Variants in PIEZO2 observed in about 807,000 individuals in gnomAD.
PIEZO2 encodes piezo type mechanosensitive ion channel component 2, also known as piezo-type mechanosensitive ion channel component 2.
Under a neutral mutation model 337.3 loss-of-function variants are expected in PIEZO2, and 172 were observed. The ratio of observed to expected loss-of-function variants is 0.51; its 90% CI spans 0.45 to 0.58. PIEZO2 has a LOEUF of 0.58. PIEZO2 is among the 20% of genes least tolerant of loss of function. The pLI is 0.00. For missense variants in PIEZO2, 3,028 were observed against 3,391.3 expected (o/e 0.89, Z 2.66); for synonymous variants, 1,251 against 1,228.5 (o/e 1.02, Z -0.38).
chr18:10,757,193 G>A (rs35203803), intron 27 of PIEZO2, among the ~76,000 whole-genome samples: 30,420 of 148,982 alleles, frequency 0.2, 3,702 homozygotes, highest in South Asian at 0.28. Flanking sequence ...AGGGATAGAG[G>A]ATGAGGAGGA....
intron 4 of PIEZO2, among the ~76,000 whole-genome samples, chr18:10,905,865 G>C (rs1397981607): frequency 2.0e-5 from 3 of 152,114 alleles, no homozygotes; most frequent in Non-Finnish European, 4.4e-5. Context: ...TATATATCAG[G>C]CATTGCCCAC....
intron 2 of PIEZO2, among the ~76,000 whole-genome samples, chr18:11,012,483 T>C (rs868691021): frequency 8.5e-5 from 13 of 152,348 alleles, no homozygotes; most frequent in African/African-American, 2.9e-4. Flanking sequence ...TTAATTTCAA[T>C]TTAACAATTA....
chr18:10,781,028 A>G lies in PIEZO2; in HGVS notation c.2493-662T>C, dbSNP rs1183572130. On this transcript the variant is annotated intron_variant, in intron 17 of 55. Transcript: ENST00000674853. This position sits in a 1 kb window ranked among gnomAD's most constrained non-coding sequence, Gnocchi z 4.1. ...TAATTTTTGCTGCTACCCCAGAATT[A>G]AAAAAAAAAAGGATCCTACTCAGCG... is the stretch of plus-strand genomic sequence containing the variant. 7.5e-6 allele frequency among the ~76,000 whole-genome samples: 1 copy of G among 132,824 alleles called. No homozygotes were observed. Among genetic ancestry groups the G allele is most frequent in the Non-Finnish European group, 1.7e-5 (1 of 59,664 alleles). The allele number at this position is 132,824 out of a possible 152,430, so 87.1% of individuals were successfully genotyped here. A position where few individuals can be genotyped will look rare whatever the true frequency, so the allele number is the denominator to read the frequency against.
chr18:11,148,435 C>CA lies in PIEZO2; in HGVS notation c.64+89dup. On this transcript the variant is annotated intron_variant, in intron 1 of 55. Transcript: ENST00000674853. This position sits in a 1 kb window ranked among gnomAD's most constrained non-coding sequence, Gnocchi z 5.2. Reference sequence around the variant, plus strand: ...TGGCCTCCCGAATCGAACCCCAGAGCACCAGAGCCCTTCACTTTGTTAAGA... The same window carrying CA: ...TGGCCTCCCGAATCGAACCCCAGAGCAACCAGAGCCCTTCACTTTGTTAAGA... 1 of 1,411,912 alleles carries CA rather than the reference C, an allele frequency of 7.1e-7. No individual in the cohort carries two copies. Among genetic ancestry groups the CA allele is most frequent in the South Asian group, 1.2e-5 (1 of 80,582 alleles). The allele number at this position is 1,411,912 out of a possible 1,614,324, so 87.5% of individuals were successfully genotyped here.
chr18:10,700,045 A>G (rs1191165955), intron 43 of PIEZO2, among the ~76,000 whole-genome samples: 1 of 152,198 alleles, frequency 6.6e-6, no homozygotes, highest in African/African-American at 2.4e-5. Context: ...TTATTCTTAA[A>G]CATATTCAAT....
At chr18:11,006,820 T>C (rs756930571) in intron 2 of PIEZO2, among the ~76,000 whole-genome samples, 1 of 152,178 alleles carries the variant, frequency 6.6e-6, no homozygotes, top group Non-Finnish European at 1.5e-5. Flanking sequence ...AAAAAATTAT[T>C]CCCTAGTAGT....
At chr18:10,968,127 A>G (rs2034089867) in intron 3 of PIEZO2, among the ~76,000 whole-genome samples, 1 of 152,144 alleles carries the variant, frequency 6.6e-6, no homozygotes, top group African/African-American at 2.4e-5. Context: ...ATTTTTGTAT[A>G]AGGTAAGAGA....
rs1048905262 is a variant in PIEZO2, at chr18:10,748,142, C to T, written c.4424+329G>A. On this transcript the variant is annotated intron_variant, in intron 30 of 55. Coordinates refer to ENST00000674853, the MANE Select transcript of PIEZO2 (RefSeq NM_001378183.1). The surrounding 1 kb of genome is among the most constrained non-coding windows in gnomAD (Gnocchi z 5.1). ...GGTGTAAGATGGACTAAACTCCAGA[C>T]CAACGTGGCATATGTTGCTGTTTTG... 3.9e-5 allele frequency among the ~76,000 whole-genome samples: 6 copies of T among 152,136 alleles called. No homozygotes were observed. The highest frequency in any genetic ancestry group is 7.4e-5 in the Non-Finnish European group (5 of 68,026).
chr18:10,763,418 G>C, intron 21 of PIEZO2: 1 of 264,944 alleles, frequency 3.8e-6, no homozygotes, highest in Non-Finnish European at 7.1e-6. Context: ...GTGGAGGTCA[G>C]GAAGCACTTT....
chr18:11,058,460 G>C (rs911442301), intron 2 of PIEZO2, among the ~76,000 whole-genome samples: 8 of 152,208 alleles, frequency 5.3e-5, no homozygotes, highest in African/African-American at 1.9e-4. Context: ...GAAGACTTCA[G>C]ATGATCAAAC....
At chr18:10,864,758 A>G (rs2144748881) in intron 5 of PIEZO2, among the ~76,000 whole-genome samples, 1 of 152,356 alleles carries the variant, frequency 6.6e-6, no homozygotes, top group East Asian at 1.9e-4. Context: ...CATCCATGCA[A>G]GAGTGAACTA....
intron 18 of PIEZO2, among the ~76,000 whole-genome samples, chr18:10,774,944 T>G (rs2038734406): frequency 6.6e-6 from 1 of 152,230 alleles, no homozygotes. Flanking sequence ...GAAGTTTGAT[T>G]AGATAAAATG....
At chr18:10,762,371 G>C in intron 23 of PIEZO2, 129 bp downstream of exon 23, 3 of 1,184,118 alleles carry the variant, frequency 2.5e-6, no homozygotes, top group Non-Finnish European at 3.4e-6. Flanking sequence ...TTGTTGCAAA[G>C]GTGATGCCAA....
intron 21 of PIEZO2, among the ~76,000 whole-genome samples, chr18:10,763,730 G>A (rs765331206): frequency 5.3e-5 from 8 of 152,336 alleles, no homozygotes; most frequent in South Asian, 2.1e-4. Context: ...GGTAAGATTT[G>A]CTTCCTATTG....
At position 10,850,966 on chromosome 18, in the gene PIEZO2, T is replaced by C. The variant is rs1004036219; in HGVS notation, c.917+4387A>G. On this transcript the variant is annotated intron_variant, in intron 7 of 55. Transcript: ENST00000674853. The surrounding 1 kb of genome is among the most constrained non-coding windows in gnomAD (Gnocchi z 4.5). Reference sequence around the variant, plus strand: ...CACCAGAGAGCACATTTGAAAGCTTTTTTACCAGAAGATAAAAATTGCTTG... The same window carrying C: ...CACCAGAGAGCACATTTGAAAGCTTCTTTACCAGAAGATAAAAATTGCTTG... 3.3e-5 allele frequency among the ~76,000 whole-genome samples: 5 copies of C among 152,124 alleles called. No individual in the cohort carries two copies. Among genetic ancestry groups the C allele is most frequent in the Non-Finnish European group, 1.5e-5 (1 of 68,016 alleles).
In PIEZO2 at chr18:11,111,220, G is replaced by A. The variant is rs1424520093; in HGVS notation, c.64+37305C>T. On this transcript the variant is annotated intron_variant, in intron 1 of 55. Coordinates refer to ENST00000674853, the MANE Select transcript of PIEZO2 (RefSeq NM_001378183.1). This position sits in a 1 kb window ranked among gnomAD's most constrained non-coding sequence, Gnocchi z 6.2. Reference sequence around the variant, plus strand: ...CCAGCCCAGGACTCTGGCCGCACCTGGGTCCCCCAGATGGAGATCTCTGGG... The same window carrying A: ...CCAGCCCAGGACTCTGGCCGCACCTAGGTCCCCCAGATGGAGATCTCTGGG... Among the ~76,000 whole-genome samples the A allele has an allele frequency of 2.6e-5, 4 of 152,152 alleles. No homozygotes were observed. The highest frequency in any genetic ancestry group is 6.5e-5 in the Admixed American group (1 of 15,276).
intron 2 of PIEZO2, among the ~76,000 whole-genome samples, chr18:10,994,505 GT>G (rs2145572925): frequency 6.6e-6 from 1 of 151,368 alleles, no homozygotes; most frequent in African/African-American, 2.4e-5. Flanking sequence ...CGCCTCCAGG[GT>G]TCAAGCAATT....
intron 52 of PIEZO2, among the ~76,000 whole-genome samples, chr18:10,679,776 T>C (rs2143480622): frequency 6.6e-6 from 1 of 152,344 alleles, no homozygotes; most frequent in Non-Finnish European, 1.5e-5. Context: ...CTGTAAGTGA[T>C]GCATGAGGGA....
intron 7 of PIEZO2, among the ~76,000 whole-genome samples, chr18:10,844,675 G>T (rs560051824): frequency 2.0e-5 from 3 of 151,764 alleles, no homozygotes; most frequent in Non-Finnish European, 4.4e-5. Context: ...TGTAGTCCCA[G>T]CTACTCGGGA....
Sources: allele counts gnomAD v4.1 joint callset (sites outside exome capture counted in the v4.1 genomes callset), GRCh38; gene constraint gnomAD v4.1.1; non-coding constraint Gnocchi (gnomAD v3.1); transcripts MANE v1.5; gene names NCBI Gene and HGNC (gene_info 2026-07-23, HGNC 2026-07-21).